NF2: variants seen among roughly 807,000 people sequenced by gnomAD.
NF2 encodes the protein merlin.
A neutral mutation model predicts 83.7 loss-of-function variants in NF2; 8 were observed. The ratio of observed to expected loss-of-function variants is 0.10; its 90% CI spans 0.06 to 0.17. NF2 has a LOEUF of 0.17. Ranked by LOEUF, NF2 falls within the 10% of genes least tolerant of loss-of-function variation. The pLI is 1.00. For synonymous variants in NF2, 266 were observed against 269.6 expected, an observed-to-expected ratio of 0.99 and a Z score of 0.13; for missense variants, 533 against 744.4, an observed-to-expected ratio of 0.72 and a Z score of 3.31.
At chr22:29,677,822 G>T (rs1262505106) in intron 13 of NF2, among the ~76,000 whole-genome samples, 2 of 152,200 alleles carry the variant, frequency 1.3e-5, no homozygotes, top group African/African-American at 2.4e-5. Flanking sequence ...TCTATTTCCT[G>T]AACAAGACTT....
At position 29,635,666 on chromosome 22, in the gene NF2, C is replaced by T. The variant is rs139229722; in HGVS notation, c.115-1085C>T. On this transcript the variant is annotated intron_variant, in intron 1 of 15. Transcript: ENST00000338641. ...TTTCATTCCTTTTCATTATATACAT[C>T]TTCAGTGTGCCAAGACTTTGAGTGG... Among the ~76,000 whole-genome samples, 400 of 152,244 alleles carry T rather than the reference C, an allele frequency of 2.6e-3. 6 individuals carry two copies. In the Middle Eastern group the frequency reaches 0.041, roughly 16 times the overall value.
At chr22:29,660,431 A>G (rs1315963190) in intron 7 of NF2, among the ~76,000 whole-genome samples, 1 of 152,202 alleles carries the variant, frequency 6.6e-6, no homozygotes, top group African/African-American at 2.4e-5. Flanking sequence ...TACAGTTAAC[A>G]TTTTACCAGA....
At chr22:29,688,963 G>A (rs1325402700) in intron 15 of NF2, among the ~76,000 whole-genome samples, 2 of 152,088 alleles carry the variant, frequency 1.3e-5, no homozygotes, top group African/African-American at 4.8e-5. Context: ...GGCGGATCAC[G>A]AAGTCAAGAG....
In NF2 at chr22:29,636,188, T is replaced by C. The variant is rs1357563860; in HGVS notation, c.115-563T>C. 6.6e-6 allele frequency among the ~76,000 whole-genome samples: 1 copy of C among 152,158 alleles called. No individual in the cohort carries two copies. Among genetic ancestry groups the C allele is most frequent in the Non-Finnish European group, 1.5e-5 (1 of 68,036 alleles). The stretch of plus-strand genomic sequence containing the variant: ...CTTCCCCTTTGGCCTCAGTTAGGCA[T>C]CCTTGACAGGACAGACCTGTGATTG... On this transcript the variant is annotated intron_variant, in intron 1 of 15. Transcript: ENST00000338641. The surrounding 1 kb of genome is among the most constrained non-coding windows in gnomAD (Gnocchi z 4.4).
intron 10 of NF2, among the ~76,000 whole-genome samples, chr22:29,668,743 T>G (rs2066699788): frequency 6.6e-6 from 1 of 152,238 alleles, no homozygotes. Flanking sequence ...CATGCATCTA[T>G]CCGTCCGGCT....
intron 4 of NF2, among the ~76,000 whole-genome samples, chr22:29,650,294 A>G (rs757483572): frequency 6.6e-6 from 1 of 152,244 alleles, no homozygotes; most frequent in African/African-American, 2.4e-5. Flanking sequence ...TTAACTTTCA[A>G]TAACAGTGTG....
chr22:29,635,422 G>A (rs753446333), intron 1 of NF2, among the ~76,000 whole-genome samples: 6 of 152,054 alleles, frequency 3.9e-5, no homozygotes, highest in African/African-American at 7.2e-5. Flanking sequence ...TCCGCCTCCC[G>A]GTTTCGAGTG....
In NF2 at chr22:29,694,960, T is replaced by C. The variant is rs886057341; in HGVS notation, c.*158T>C. 7 of 741,064 alleles carry C rather than the reference T, an allele frequency of 9.4e-6. No homozygotes were observed. Among genetic ancestry groups the C allele is most frequent in the South Asian group, 3.0e-5 (2 of 67,336 alleles). The allele number at this position is 741,064 out of a possible 1,614,324, so 45.9% of individuals were successfully genotyped here. On this transcript the variant is annotated 3_prime_UTR_variant, in exon 16 of 16. Coordinates refer to ENST00000338641, the MANE Select transcript of NF2 (RefSeq NM_000268.4). This position sits in a 1 kb window ranked among gnomAD's most constrained non-coding sequence, Gnocchi z 4.1. Reference sequence around the variant, plus strand: ...TGAGTGAAGAGCCCAGCCCCTCTTATGTGCAATTGCCTTGAACTACGACCC... The same window carrying C: ...TGAGTGAAGAGCCCAGCCCCTCTTACGTGCAATTGCCTTGAACTACGACCC...
Position 29,694,574 on chromosome 22 carries a change from T to C in NF2, c.1738-178T>C, listed in dbSNP as rs997870758. Among the ~76,000 whole-genome samples, 9 of 152,196 alleles carry C rather than the reference T, an allele frequency of 5.9e-5. No homozygotes were observed. Among genetic ancestry groups the C allele is most frequent in the African/African-American group, 2.2e-4 (9 of 41,438 alleles). On this transcript the variant is annotated intron_variant, in intron 15 of 15. Transcript: ENST00000338641. The surrounding 1 kb of genome is among the most constrained non-coding windows in gnomAD (Gnocchi z 4.1). ...TCATTTGTCACCTCCTAATTTGAAT[T>C]ATTGGGCAAATCTGGCCGCTTATTT...
rs748403377 is a variant in NF2 at position 29,673,358 on chromosome 22, G to A, written c.1212G>A (p.Glu404=). The change falls in exon 12 of 16, where the codon GAG becomes GAA. Residue 404 remains glutamate (E), a synonymous_variant. Transcript: ENST00000338641. ...EAKLLAQKAA[E]AEQEMQRIKA... Reference sequence around the variant, plus strand: ...AACTTCTGGCCCAGAAGGCCGCAGAGGCTGAGCAGGAAATGCAGCGCATCA... The same window carrying A: ...AACTTCTGGCCCAGAAGGCCGCAGAAGCTGAGCAGGAAATGCAGCGCATCA... 8.1e-6 allele frequency: 13 copies of A among 1,608,250 alleles called. No homozygotes were observed. The South Asian group carries it at 1.3e-4, about 17-fold the overall frequency.
intron 7 of NF2, among the ~76,000 whole-genome samples, chr22:29,660,955 C>T (rs1000331140): frequency 7.9e-5 from 12 of 152,204 alleles, no homozygotes; most frequent in African/African-American, 2.9e-4. Context: ...CTTTAGCCAT[C>T]GAGCCAGTGA....
chr22:29,604,258 G>A (rs1222377218), intron 1 of NF2, 146 bp downstream of exon 1: 1 of 696,078 alleles, frequency 1.4e-6, no homozygotes, highest in East Asian at 2.7e-5. Context: ...AAAGATGATT[G>A]CTGCTTTTTT....
intron 6 of NF2, 71 bp downstream of exon 6, chr22:29,655,747 C>T (rs1379568284): frequency 1.7e-5 from 20 of 1,175,550 alleles, no homozygotes; most frequent in South Asian, 7.8e-5. Flanking sequence ...TAAAGAACTG[C>T]AAAACTAGGA....
chr22:29,680,864 AAG>A (rs1170392956), intron 14 of NF2, among the ~76,000 whole-genome samples: 2 of 151,956 alleles, frequency 1.3e-5, no homozygotes, highest in African/African-American at 2.4e-5. Flanking sequence ...AAAAAAAAAA[AAG>A]AGTTTACTTG....
At chr22:29,612,031 G>A (rs1003942406) in intron 1 of NF2, among the ~76,000 whole-genome samples, 3 of 151,754 alleles carry the variant, frequency 2.0e-5, no homozygotes, top group Non-Finnish European at 4.4e-5. Flanking sequence ...TTTTTGAAAC[G>A]GAGTCTCACT....
chr22:29,649,268 G>A (rs1474456507), intron 4 of NF2, among the ~76,000 whole-genome samples: 1 of 152,188 alleles, frequency 6.6e-6, no homozygotes, highest in South Asian at 2.1e-4. Context: ...CAGGGAAAGG[G>A]AGAAGGAGGA....
At chr22:29,681,646 T>C in intron 15 of NF2, 45 bp downstream of exon 15, 1 of 1,611,582 alleles carries the variant, frequency 6.2e-7, no homozygotes, top group East Asian at 2.2e-5. Context: ...AGGACCATCA[T>C]TAATGAAATG....
At chr22:29,643,902 G>T (rs1487983901) in intron 4 of NF2, among the ~76,000 whole-genome samples, 3 of 151,614 alleles carry the variant, frequency 2.0e-5, no homozygotes, top group Non-Finnish European at 4.4e-5. Flanking sequence ...CGGATGGGGC[G>T]GCTGGCCGGG....
intron 3 of NF2, among the ~76,000 whole-genome samples, chr22:29,639,769 C>A (rs187500732): frequency 1.4e-3 from 203 of 149,790 alleles, no homozygotes; most frequent in African/African-American, 4.6e-3. Flanking sequence ...GTAGTCCCAG[C>A]TACTCGGGAG....
Sources: gnomAD v4.1 joint callset for allele counts (sites outside exome capture counted in the v4.1 genomes callset) on GRCh38, gnomAD v4.1.1 for gene constraint, Gnocchi (gnomAD v3.1) non-coding constraint, MANE v1.5 for transcripts, NCBI Gene and HGNC (gene_info 2026-07-23, HGNC 2026-07-21) for gene names.